Variants in PRKG1 observed in about 807,000 individuals in gnomAD.
The protein encoded by PRKG1 is cGMP-dependent protein kinase 1.
Under a neutral mutation model 88.1 loss-of-function variants are expected in PRKG1, and 35 were observed. The observed-to-expected ratio is 0.40, with a 90% CI of 0.30 to 0.53. The LOEUF is 0.53. PRKG1 is among the 20% of genes least tolerant of loss of function. The pLI is 0.59. For synonymous variants in PRKG1, 303 were observed against 292.5 expected (o/e 1.04, Z -0.37); for missense variants, 540 against 839.8 (o/e 0.64, Z 4.41).
chr10:51,430,328 G>A (rs1838725806), intron 2 of PRKG1, among the ~76,000 whole-genome samples: 1 of 152,102 alleles, frequency 6.6e-6, no homozygotes, highest in African/African-American at 2.4e-5. Context: ...GGCAGAGGTG[G>A]GAGGATTACT....
At chr10:52,120,934 G>A (rs1001975445) in intron 7 of PRKG1, among the ~76,000 whole-genome samples, 1 of 152,150 alleles carries the variant, frequency 6.6e-6, no homozygotes, top group African/African-American at 2.4e-5. Flanking sequence ...AGCTGTCCAC[G>A]ACATCTTGTG....
intron 1 of PRKG1, among the ~76,000 whole-genome samples, chr10:51,082,421 A>G (rs946882863): frequency 4.6e-5 from 7 of 152,212 alleles, no homozygotes; most frequent in Non-Finnish European, 1.0e-4. Flanking sequence ...TTAGAATCAC[A>G]TGGGGAACAT....
chr10:51,240,766 C>T (rs1839131837), intron 2 of PRKG1, among the ~76,000 whole-genome samples: 1 of 152,070 alleles, frequency 6.6e-6, no homozygotes, highest in Non-Finnish European at 1.5e-5. Flanking sequence ...CCTTGGTAGT[C>T]AATGGAAGAA....
intron 8 of PRKG1, among the ~76,000 whole-genome samples, chr10:52,157,797 CCTT>C (rs1838165953): frequency 6.6e-6 from 1 of 151,454 alleles, no homozygotes; most frequent in South Asian, 2.1e-4. Flanking sequence ...CCTTGTTCTT[CCTT>C]CTTCCTTCCT....
intron 3 of PRKG1, among the ~76,000 whole-genome samples, chr10:51,627,097 C>A (rs1376219528): frequency 1.3e-5 from 2 of 152,050 alleles, no homozygotes; most frequent in Non-Finnish European, 2.9e-5. Context: ...GGGCACTTAA[C>A]ACATTGGAAA....
At chr10:52,244,077 C>CT (rs1226451712) in intron 9 of PRKG1, among the ~76,000 whole-genome samples, 1 of 152,032 alleles carries the variant, frequency 6.6e-6, no homozygotes, top group Non-Finnish European at 1.5e-5. Context: ...TACTTTTACA[C>CT]TTTCTATTTC....
chr10:51,216,631 C>G (rs144745240), intron 2 of PRKG1, among the ~76,000 whole-genome samples: 2 of 152,250 alleles, frequency 1.3e-5, no homozygotes, highest in East Asian at 3.9e-4. Flanking sequence ...TAAATGCTGT[C>G]ATCATCATTT....
chr10:52,140,895 A>T (rs1472310692), intron 8 of PRKG1, among the ~76,000 whole-genome samples: 1 of 152,112 alleles, frequency 6.6e-6, no homozygotes, highest in Non-Finnish European at 1.5e-5. Flanking sequence ...GGACTGTATG[A>T]ACTCCACATG....
chr10:52,085,285 A>G (rs1846884144), intron 7 of PRKG1, among the ~76,000 whole-genome samples: 2 of 147,590 alleles, frequency 1.4e-5, no homozygotes, highest in Admixed American at 6.8e-5. Flanking sequence ...TTGATTTAGC[A>G]TCCATTGATG....
intron 3 of PRKG1, among the ~76,000 whole-genome samples, chr10:51,506,007 C>T (rs1488499330): frequency 1.3e-5 from 2 of 152,018 alleles, no homozygotes; most frequent in Non-Finnish European, 2.9e-5. Flanking sequence ...TTCTTGCCTT[C>T]TGCTAGCTTT....
intron 5 of PRKG1, among the ~76,000 whole-genome samples, chr10:52,022,095 T>C (rs1450744294): frequency 6.6e-6 from 1 of 152,172 alleles, no homozygotes; most frequent in Non-Finnish European, 1.5e-5. Context: ...AGACTCTGAG[T>C]AGCAGTGCAG....
At chr10:51,810,144 C>A (rs2132621891) in intron 4 of PRKG1, among the ~76,000 whole-genome samples, 1 of 152,176 alleles carries the variant, frequency 6.6e-6, no homozygotes, top group South Asian at 2.1e-4. Flanking sequence ...TGAATGGGGG[C>A]AATAATAGTA....
intron 1 of PRKG1, among the ~76,000 whole-genome samples, chr10:50,996,836 A>G (rs1483525000): frequency 6.6e-6 from 1 of 152,196 alleles, no homozygotes; most frequent in Non-Finnish European, 1.5e-5. Flanking sequence ...CCTCTTTCTG[A>G]TGAACGTGGT....
intron 16 of PRKG1, 68 bp downstream of exon 16, chr10:52,289,061 A>T: frequency 6.9e-7 from 1 of 1,452,288 alleles, no homozygotes; most frequent in Non-Finnish European, 9.5e-7. Flanking sequence ...TTTTTAAGTT[A>T]TTGGTGTAAA....
At chr10:52,166,311 A>T (rs1296391538) in intron 9 of PRKG1, among the ~76,000 whole-genome samples, 1 of 114,886 alleles carries the variant, frequency 8.7e-6, no homozygotes, top group African/African-American at 2.5e-5. Flanking sequence ...CATTTCCAAT[A>T]CCAAGGATCA....
intron 3 of PRKG1, among the ~76,000 whole-genome samples, chr10:51,583,017 T>C (rs1838082862): frequency 6.6e-6 from 1 of 152,170 alleles, no homozygotes; most frequent in African/African-American, 2.4e-5. Context: ...CTTATGTTTG[T>C]TGGAAGATAC....
At chr10:52,011,853 T>C (rs1016991973) in intron 5 of PRKG1, among the ~76,000 whole-genome samples, 3 of 152,132 alleles carry the variant, frequency 2.0e-5, no homozygotes, top group African/African-American at 7.2e-5. Context: ...GCTGTTCTCG[T>C]GATAGTGAAT....
chr10:52,128,482 C>T (rs1453182665), intron 7 of PRKG1: 10 of 985,310 alleles, frequency 1.0e-5, no homozygotes, highest in South Asian at 4.7e-5. Flanking sequence ...CTGACAGTGA[C>T]GCCACTTTGG....
chr10:51,796,469 C>T (rs181940095), intron 3 of PRKG1, among the ~76,000 whole-genome samples: 44 of 152,174 alleles, frequency 2.9e-4, no homozygotes, highest in African/African-American at 9.9e-4. Flanking sequence ...TCTAATTTCA[C>T]ATTAGCCTCA....
Sources: gnomAD v4.1 joint callset for allele counts (sites outside exome capture counted in the v4.1 genomes callset) on GRCh38, gnomAD v4.1.1 for gene constraint, MANE v1.5 for transcripts, NCBI Gene and HGNC (gene_info 2026-07-23, HGNC 2026-07-21) for gene names.